Variants in PID1 observed in about 807,000 individuals in gnomAD.
The protein encoded by PID1 is PTB-containing, cubilin and LRP1-interacting protein.
Under a neutral mutation model 19.1 loss-of-function variants are expected in PID1, and 10 were observed. The observed-to-expected ratio is 0.52, with a 90% CI of 0.32 to 0.89. The LOEUF (loss-of-function observed/expected upper bound fraction) is 0.89, where lower values mean the gene tolerates loss of function less well. Ranked by LOEUF, PID1 falls within the 40% of genes least tolerant of loss-of-function variation. PID1 has a pLI of 0.03. For missense variants in PID1, 248 were observed against 285.3 expected (o/e 0.87, Z 0.94); for synonymous variants, 130 against 116.0 (o/e 1.12, Z -0.78).
chr2:229,239,220 CA>C (rs1689805771), intron 1 of PID1, among the ~76,000 whole-genome samples: 1 of 152,088 alleles, frequency 6.6e-6, no homozygotes, highest in Admixed American at 6.5e-5. Flanking sequence ...CGGGAGGGGC[CA>C]AGAATTTGCA....
intron 1 of PID1, among the ~76,000 whole-genome samples, chr2:229,169,360 G>A (rs1218597496): frequency 6.6e-6 from 1 of 152,094 alleles, no homozygotes; most frequent in Non-Finnish European, 1.5e-5. Context: ...GGGTTCAAGA[G>A]AAGTTATGAT....
At chr2:229,265,448 C>T (rs1350328172) in intron 1 of PID1, among the ~76,000 whole-genome samples, 1 of 152,232 alleles carries the variant, frequency 6.6e-6, no homozygotes, top group Non-Finnish European at 1.5e-5. Context: ...CTGGTGAATA[C>T]ACTGATGCTT....
chr2:229,044,995 C>T (rs769686506), intron 2 of PID1, among the ~76,000 whole-genome samples: 22 of 151,936 alleles, frequency 1.4e-4, no homozygotes, highest in Non-Finnish European at 2.9e-4. Context: ...ACTCTGTTGC[C>T]TAGGCTGGAG....
In PID1 at chr2:229,142,933, CT is replaced by C. The variant is rs530646767; in HGVS notation, c.177+12884del. 8.6e-5 allele frequency among the ~76,000 whole-genome samples: 13 copies of C among 150,372 alleles called. No homozygotes were observed. The East Asian group carries it at 1.8e-3, about 21-fold the overall frequency. On this transcript the variant is annotated intron_variant, in intron 2 of 2. Coordinates refer to ENST00000392055, the MANE Select transcript of PID1 (RefSeq NM_001100818.2). ...GTGGCACTATTCACAATAGCAAAGA[CT>C]TGGAACCAACCCAAATGTCCAGCAA...
chr2:229,212,308 C>T (rs1363351699), intron 1 of PID1, among the ~76,000 whole-genome samples: 1 of 152,182 alleles, frequency 6.6e-6, no homozygotes, highest in Non-Finnish European at 1.5e-5. Context: ...TTTTGAAGTT[C>T]ACCAAGAGTA....
intron 1 of PID1, chr2:229,232,232 G>A: frequency 9.9e-7 from 1 of 1,010,012 alleles, no homozygotes; most frequent in African/African-American, 1.7e-5. Flanking sequence ...GACCATCCTG[G>A]CTAACACAGT....
At chr2:229,252,481 G>C (rs1233140455) in intron 1 of PID1, among the ~76,000 whole-genome samples, 1 of 152,122 alleles carries the variant, frequency 6.6e-6, no homozygotes, top group Non-Finnish European at 1.5e-5. Context: ...CATATCTCAT[G>C]GGCCAGCTCC....
intron 2 of PID1, among the ~76,000 whole-genome samples, chr2:229,127,343 G>T (rs1478625872): frequency 6.6e-6 from 1 of 152,132 alleles, no homozygotes; most frequent in Non-Finnish European, 1.5e-5. Flanking sequence ...GCCACACTGA[G>T]AATTGACTTG....
intron 2 of PID1, among the ~76,000 whole-genome samples, chr2:229,111,975 G>T (rs1053384833): frequency 2.0e-5 from 3 of 152,200 alleles, no homozygotes; most frequent in Admixed American, 2.0e-4. Context: ...TATCCTGTCT[G>T]AATTGCTGTG....
intron 1 of PID1, among the ~76,000 whole-genome samples, chr2:229,246,258 C>T (rs1559301424): frequency 6.6e-6 from 1 of 152,180 alleles, no homozygotes; most frequent in Non-Finnish European, 1.5e-5. Context: ...ATGCTTCAAA[C>T]TGCGGAGCTG....
At chr2:229,259,287 C>T (rs1690394128) in intron 1 of PID1, among the ~76,000 whole-genome samples, 1 of 152,098 alleles carries the variant, frequency 6.6e-6, no homozygotes, top group South Asian at 2.1e-4. Flanking sequence ...ACATGAGATG[C>T]AAGTATTTTC....
intron 1 of PID1, among the ~76,000 whole-genome samples, chr2:229,197,285 C>CTTTTT (rs1691398142): frequency 6.6e-6 from 1 of 151,724 alleles, no homozygotes; most frequent in Admixed American, 6.6e-5. Context: ...GTACATAAAA[C>CTTTTT]CTTTGCAAGA....
intron 2 of PID1, among the ~76,000 whole-genome samples, chr2:229,139,574 G>A (rs1015168436): frequency 6.6e-6 from 1 of 152,096 alleles, no homozygotes; most frequent in Non-Finnish European, 1.5e-5. Context: ...GAATATCCCA[G>A]CACTGAGAAA....
At chr2:229,127,144 T>C (rs1451199648) in intron 2 of PID1, among the ~76,000 whole-genome samples, 1 of 152,154 alleles carries the variant, frequency 6.6e-6, no homozygotes, top group Non-Finnish European at 1.5e-5. Context: ...GACACCCAAA[T>C]GCCAAGGACA....
intron 2 of PID1, among the ~76,000 whole-genome samples, chr2:229,078,038 G>T (rs796871788): frequency 7.2e-4 from 110 of 152,314 alleles, no homozygotes; most frequent in African/African-American, 2.6e-3. Flanking sequence ...CATGTGCATG[G>T]AATGTTATTC....
chr2:229,232,693 C>CAT (rs201311630), intron 1 of PID1, among the ~76,000 whole-genome samples: 52 of 147,374 alleles, frequency 3.5e-4, no homozygotes, highest in African/African-American at 2.7e-4. Context: ...TGTATACATA[C>CAT]ATATATATAT....
chr2:229,058,872 A>G (rs905052711), intron 2 of PID1, among the ~76,000 whole-genome samples: 5 of 152,180 alleles, frequency 3.3e-5, no homozygotes, highest in Non-Finnish European at 5.9e-5. Flanking sequence ...CACATCTTAA[A>G]AGAGCTTCAG....
chr2:229,152,442 C>T (rs1261914947), intron 2 of PID1, among the ~76,000 whole-genome samples: 1 of 152,072 alleles, frequency 6.6e-6, no homozygotes, highest in African/African-American at 2.4e-5. Flanking sequence ...TCCACAATAC[C>T]ATGTACACAG....
intron 2 of PID1, among the ~76,000 whole-genome samples, chr2:229,155,440 C>T (rs1177106789): frequency 6.6e-6 from 1 of 151,956 alleles, no homozygotes; most frequent in East Asian, 1.9e-4. Flanking sequence ...GTGGCGGGTG[C>T]CTGTAGCCTG....
Sources: allele counts gnomAD v4.1 joint callset (sites outside exome capture counted in the v4.1 genomes callset), GRCh38; gene constraint gnomAD v4.1.1; transcripts MANE v1.5; gene names NCBI Gene and HGNC (gene_info 2026-07-23, HGNC 2026-07-21).